IFNGR2: variants seen among roughly 807,000 people sequenced by gnomAD.
The protein encoded by IFNGR2 is IFN-gamma receptor 2.
IFNGR2 carries 15 observed loss-of-function variants against 41.1 expected under a neutral mutation model. The observed-to-expected ratio is 0.37, with a 90% confidence interval of 0.24 to 0.56. The LOEUF (loss-of-function observed/expected upper bound fraction) is 0.56, where lower values mean the gene tolerates loss of function less well. IFNGR2 is among the 20% of genes least tolerant of loss of function. The pLI is 0.81. For synonymous variants in IFNGR2, 161 were observed against 171.6 expected (o/e 0.94, Z 0.48); for missense variants, 362 against 415.7 (o/e 0.87, Z 1.12).
intron 1 of IFNGR2, chr21:33,410,991 G>A: frequency 1.1e-6 from 1 of 883,568 alleles, no homozygotes; most frequent in Non-Finnish European, 1.8e-6. Context: ...TCCCATCGGG[G>A]GCCATGTGGC....
At chr21:33,407,068 G>A (rs553472253) in intron 1 of IFNGR2, among the ~76,000 whole-genome samples, 9 of 152,184 alleles carry the variant, frequency 5.9e-5, no homozygotes, top group East Asian at 3.9e-4. Context: ...AGTAGTGGCC[G>A]TTTGCGCTAG....
chr21:33,421,725 A>G, intron 3 of IFNGR2, 40 bp downstream of exon 3: 1 of 1,523,232 alleles, frequency 6.6e-7, no homozygotes, highest in South Asian at 1.1e-5. Context: ...TATACTTTCC[A>G]GGTTTTCTTC....
chr21:33,420,031 C>T (rs1196359705), intron 2 of IFNGR2, among the ~76,000 whole-genome samples: 1 of 152,130 alleles, frequency 6.6e-6, no homozygotes, highest in Non-Finnish European at 1.5e-5. Context: ...TCGTGGTTTG[C>T]GATCCCTCTC....
intron 3 of IFNGR2, 24 bp from the exon 4 acceptor site, chr21:33,426,860 T>C (rs746279788): frequency 6.2e-7 from 1 of 1,607,036 alleles, no homozygotes; most frequent in African/African-American, 1.3e-5. Flanking sequence ...TGTGTGTGGT[T>C]TTCTCTTTGT....
chr21:33,430,211 T>G (rs1486628217), intron 4 of IFNGR2, among the ~76,000 whole-genome samples: 2 of 152,198 alleles, frequency 1.3e-5, no homozygotes, highest in African/African-American at 4.8e-5. Context: ...AATCAGGCCC[T>G]TCAAAGGGCA....
intron 1 of IFNGR2, among the ~76,000 whole-genome samples, chr21:33,414,368 A>T (rs980269759): frequency 7.0e-6 from 1 of 143,758 alleles, no homozygotes; most frequent in African/African-American, 2.5e-5. Context: ...TTGCGTGTGT[A>T]GTGTGTGCAC....
At chr21:33,409,956 C>T (rs2083704399) in intron 1 of IFNGR2, among the ~76,000 whole-genome samples, 2 of 151,916 alleles carry the variant, frequency 1.3e-5, no homozygotes, top group African/African-American at 2.4e-5. Flanking sequence ...ATTTGGGGTT[C>T]GACCATTAAC....
At position 33,411,651 on chromosome 21, in the gene IFNGR2, C is replaced by T. The variant is rs558724612; in HGVS notation, c.74-3237C>T. ...GTGGCCTTATACCACCACAGGGTCCCCAAAAGATGGAGCAGAGGCAGAAGG... is the reference window on the plus strand; with the variant it reads ...GTGGCCTTATACCACCACAGGGTCCTCAAAAGATGGAGCAGAGGCAGAAGG... On this transcript the variant is annotated intron_variant, in intron 1 of 6. Transcript: ENST00000290219. 1.4e-4 allele frequency: 54 copies of T among 373,632 alleles called. 1 individual carries two copies. The highest frequency in any genetic ancestry group is 1.1e-3 in the South Asian group (54 of 50,860). The allele number at this position is 373,632 out of a possible 1,614,324, so 23.1% of individuals were successfully genotyped here. A position where few individuals can be genotyped will look rare whatever the true frequency, so the allele number is the denominator to read the frequency against.
chr21:33,419,254 C>G (rs1323736274), intron 2 of IFNGR2, among the ~76,000 whole-genome samples: 1 of 151,952 alleles, frequency 6.6e-6, no homozygotes, highest in African/African-American at 2.4e-5. Context: ...TACAGGCGCC[C>G]GCCACCATGC....
chr21:33,405,442 G>A (rs542125522), intron 1 of IFNGR2, among the ~76,000 whole-genome samples: 107 of 152,252 alleles, frequency 7.0e-4, no homozygotes, highest in African/African-American at 2.4e-3. Context: ...TTGGCTTCAC[G>A]TCTTGAGCAA....
At chr21:33,406,243 G>T (rs1207117029) in intron 1 of IFNGR2, among the ~76,000 whole-genome samples, 1 of 151,982 alleles carries the variant, frequency 6.6e-6, no homozygotes, top group Non-Finnish European at 1.5e-5. Flanking sequence ...GGGCGTGGTG[G>T]TTGGCGCCTG....
intron 1 of IFNGR2, among the ~76,000 whole-genome samples, chr21:33,412,841 C>T (rs2083726750): frequency 6.6e-6 from 1 of 152,218 alleles, no homozygotes; most frequent in African/African-American, 2.4e-5. Context: ...AGGCATGAGC[C>T]ACTGTGCCCG....
chr21:33,404,816 C>T (rs531808461), intron 1 of IFNGR2, among the ~76,000 whole-genome samples: 10 of 152,264 alleles, frequency 6.6e-5, no homozygotes, highest in African/African-American at 2.2e-4. Flanking sequence ...GCTGACCACG[C>T]TTATGAGCCA....
rs1176465152 is a variant in IFNGR2, at chr21:33,403,601, G to T, written c.58G>T (p.Ala20Ser). 1 of 1,359,694 alleles carries T rather than the reference G, an allele frequency of 7.4e-7. No homozygotes were observed. Among genetic ancestry groups the T allele is most frequent in the Non-Finnish European group, 9.5e-7 (1 of 1,053,272 alleles). 84.2% of individuals were successfully genotyped at this position (1,359,694 alleles called of 1,614,324 possible). Residue 20 changes from alanine (A) to serine (S), a missense_variant, in exon 1 of 7, where the codon GCC (alanine) becomes TCC (serine). By Grantham distance (99) the Ala-to-Ser change is moderately conservative. Coordinates refer to ENST00000290219, the MANE Select transcript of IFNGR2 (RefSeq NM_005534.4). Reference sequence around the variant, plus strand: ...GCTGCTCGGAGTCTTCGCCGCCGCCGCCGCGGCCCCGCCAGGTGAGCCGGG... The same window carrying T: ...GCTGCTCGGAGTCTTCGCCGCCGCCTCCGCGGCCCCGCCAGGTGAGCCGGG... ...LLLLGVFAAAAAAPPDPLSQL... is the reference protein window; with the variant it reads ...LLLLGVFAAASAAPPDPLSQL...
At chr21:33,404,717 C>T (rs902795710) in intron 1 of IFNGR2, among the ~76,000 whole-genome samples, 1 of 152,206 alleles carries the variant, frequency 6.6e-6, no homozygotes, top group Non-Finnish European at 1.5e-5. Flanking sequence ...GCTTGAGGCA[C>T]CGTGCCCAGC....
chr21:33,413,078 T>A (rs1017142035), intron 1 of IFNGR2, among the ~76,000 whole-genome samples: 2 of 152,230 alleles, frequency 1.3e-5, no homozygotes, highest in Non-Finnish European at 2.9e-5. Context: ...TGGAAATTTC[T>A]CTGCATAGTT....
At chr21:33,414,637 G>T (rs1184195004) in intron 1 of IFNGR2, among the ~76,000 whole-genome samples, 1 of 152,172 alleles carries the variant, frequency 6.6e-6, no homozygotes, top group Non-Finnish European at 1.5e-5. Flanking sequence ...TAACAACTGG[G>T]ACCTGCAGGT....
intron 1 of IFNGR2, among the ~76,000 whole-genome samples, chr21:33,404,022 C>G (rs992759670): frequency 1.3e-5 from 2 of 152,238 alleles, no homozygotes; most frequent in Admixed American, 6.5e-5. Flanking sequence ...CCACCTCCCC[C>G]ACCCGCGCGC....
chr21:33,427,814 C>A (rs1170294289), intron 4 of IFNGR2, among the ~76,000 whole-genome samples: 1 of 150,028 alleles, frequency 6.7e-6, no homozygotes, highest in African/African-American at 2.5e-5. Flanking sequence ...GGCTCTGGGC[C>A]AGAATTTTAG....
Sources: allele counts gnomAD v4.1 joint callset (sites outside exome capture counted in the v4.1 genomes callset), GRCh38; gene constraint gnomAD v4.1.1; transcripts MANE v1.5; gene names NCBI Gene and HGNC (gene_info 2026-07-23, HGNC 2026-07-21).